The following HDHD2 variants were observed in gnomAD, a reference collection of about 807,000 sequenced individuals.
HDHD2 encodes haloacid dehalogenase-like hydrolase domain-containing protein 2.
Under a neutral mutation model 24.8 loss-of-function variants are expected in HDHD2, and 26 were observed. The ratio of observed to expected loss-of-function variants is 1.05; its 90% CI spans 0.77 to 1.45. HDHD2 has a LOEUF of 1.45. Among genes scored for constraint, HDHD2 ranks in the 40% most tolerant of loss-of-function variants. The pLI is 0.00. For synonymous variants in HDHD2, 128 were observed against 114.9 expected (o/e 1.11, Z -0.73); for missense variants, 299 against 313.4 (o/e 0.95, Z 0.35).
intron 1 of HDHD2, among the ~76,000 whole-genome samples, chr18:47,143,175 G>C (rs192267657): frequency 1.3e-5 from 2 of 152,316 alleles, no homozygotes; most frequent in African/African-American, 4.8e-5. Context: ...TTGTTGGCCA[G>C]GTACAGTGGC....
At chr18:47,121,297 C>G (rs562974003) in intron 4 of HDHD2, among the ~76,000 whole-genome samples, 1 of 152,220 alleles carries the variant, frequency 6.6e-6, no homozygotes, top group African/African-American at 2.4e-5. Flanking sequence ...GTAAGTCCCT[C>G]TCACCCCACT....
intron 4 of HDHD2, among the ~76,000 whole-genome samples, chr18:47,119,169 G>GGTA (rs1196066561): frequency 6.6e-6 from 1 of 152,198 alleles, no homozygotes; most frequent in Non-Finnish European, 1.5e-5. Flanking sequence ...GGATCAGGGT[G>GGTA]GTAGTCACTG....
intron 4 of HDHD2, among the ~76,000 whole-genome samples, chr18:47,118,480 C>G (rs1044178605): frequency 4.6e-5 from 7 of 152,088 alleles, no homozygotes; most frequent in Admixed American, 4.6e-4. Flanking sequence ...AGCCATTACC[C>G]TCAGCAAACC....
At chr18:47,130,544 T>C (rs1009530251) in intron 3 of HDHD2, among the ~76,000 whole-genome samples, 1 of 151,916 alleles carries the variant, frequency 6.6e-6, no homozygotes, top group African/African-American at 2.4e-5. Context: ...AGAGAGAAAA[T>C]CTAATATTTT....
At chr18:47,135,465 C>T (rs994010763) in intron 2 of HDHD2, among the ~76,000 whole-genome samples, 2 of 151,852 alleles carry the variant, frequency 1.3e-5, no homozygotes, top group Non-Finnish European at 2.9e-5. Context: ...TTCTCCATGT[C>T]GGTCAGGCTG....
chr18:47,127,480 C>T (rs1407414823), intron 4 of HDHD2, among the ~76,000 whole-genome samples: 1 of 151,994 alleles, frequency 6.6e-6, no homozygotes, highest in Non-Finnish European at 1.5e-5. Flanking sequence ...TTAAACTTTT[C>T]CACGATGAGG....
At chr18:47,136,629 T>C (rs1468227741) in intron 1 of HDHD2, among the ~76,000 whole-genome samples, 180 bp from the exon 2 acceptor site, 1 of 151,406 alleles carries the variant, frequency 6.6e-6, no homozygotes, top group African/African-American at 2.4e-5. Context: ...CATAAACCTT[T>C]TACAATACTT....
At chr18:47,127,186 G>T (rs2063667100) in intron 4 of HDHD2, among the ~76,000 whole-genome samples, 1 of 151,914 alleles carries the variant, frequency 6.6e-6, no homozygotes, top group South Asian at 2.1e-4. Context: ...AATACCAACA[G>T]CAATAGGAAC....
Position 47,139,641 on chromosome 18 carries a change from T to C in HDHD2, c.-10-3192A>G, listed in dbSNP as rs193121781. ...AGTTCCACAGGTCAGGACTCGTGAC[T>C]GGTGTCTGAAAATGGAGGAGGCAGT... On this transcript the variant is annotated intron_variant, in intron 1 of 6. Coordinates refer to ENST00000300605, the MANE Select transcript of HDHD2 (RefSeq NM_032124.5). Among the ~76,000 whole-genome samples the C allele has an allele frequency of 3.7e-4, 56 of 152,250 alleles. No individual in the cohort carries two copies. The East Asian group carries it at 8.5e-3, about 23-fold the overall frequency.
At chr18:47,137,574 C>T (rs1194095986) in intron 1 of HDHD2, among the ~76,000 whole-genome samples, 2 of 152,096 alleles carry the variant, frequency 1.3e-5, no homozygotes, top group East Asian at 1.9e-4. Flanking sequence ...TGTGAAAATA[C>T]CCTTTCTCCA....
intron 1 of HDHD2, among the ~76,000 whole-genome samples, chr18:47,140,676 G>A (rs887493678): frequency 5.9e-5 from 9 of 151,896 alleles, no homozygotes; most frequent in East Asian, 5.8e-4. Flanking sequence ...GCACCACCAC[G>A]CCTGGCTAAT....
In HDHD2 at chr18:47,125,233, T is replaced by A. The variant is rs77954147; in HGVS notation, c.395+5011A>T. 1.5e-4 allele frequency among the ~76,000 whole-genome samples: 23 copies of A among 152,216 alleles called. No homozygotes were observed. The East Asian group carries it at 4.4e-3, about 29-fold the overall frequency. The stretch of plus-strand genomic sequence containing the variant: ...ATACCACTATATACACCAAACAGAA[T>A]AGCTACTATTAAATAGAGAATATAG... On this transcript the variant is annotated intron_variant, in intron 4 of 6. Transcript: ENST00000300605.
intron 1 of HDHD2, among the ~76,000 whole-genome samples, chr18:47,145,084 A>C (rs1222178899): frequency 6.6e-6 from 1 of 152,242 alleles, no homozygotes; most frequent in Non-Finnish European, 1.5e-5. Flanking sequence ...ACGAATTCTA[A>C]GCAAGATAAA....
chr18:47,141,686 A>G (rs946342982), intron 1 of HDHD2, among the ~76,000 whole-genome samples: 1 of 152,156 alleles, frequency 6.6e-6, no homozygotes. Flanking sequence ...GGCCATTGAG[A>G]GCTCTCTCAG....
intron 6 of HDHD2, chr18:47,110,532 C>T: frequency 2.0e-6 from 2 of 985,330 alleles, no homozygotes; most frequent in Non-Finnish European, 2.4e-6. Context: ...AGCTTCCTAG[C>T]CATGGAGTTA....
At chr18:47,110,432 G>C in intron 6 of HDHD2, 2 of 985,128 alleles carry the variant, frequency 2.0e-6, no homozygotes, top group Non-Finnish European at 2.4e-6. Context: ...CCTTCACAAG[G>C]TTTCTATTTG....
At position 47,112,998 on chromosome 18, in the gene HDHD2, G is replaced by C; in HGVS notation, c.655C>G (p.Leu219Val). ...ATACCAGTCTTTACTAAGATGCCCA[G>C]CATGCCGACATCTTGAGCCCCACCA... The part of the protein sequence containing the change: ...DVGGAQDVGM[L>V]GILVKTGKYR... Residue 219 changes from leucine (L) to valine (V), a missense_variant, in exon 6 of 7, where the codon CTG (leucine) becomes GTG (valine). Physicochemically the swap from Leu to Val is conservative, Grantham distance 32. Coordinates refer to ENST00000300605, the MANE Select transcript of HDHD2 (RefSeq NM_032124.5). The C allele has an allele frequency of 6.2e-7, 1 of 1,613,888 alleles. No homozygotes were observed. Among genetic ancestry groups the C allele is most frequent in the Non-Finnish European group, 8.5e-7 (1 of 1,179,818 alleles).
In HDHD2 at chr18:47,134,456, T is replaced by A. The variant is rs765760639; in HGVS notation, c.310+40A>T. ...GTTTTAAAAATGATTTGTAAGTACATATAAATATCCAATCTTTAAATTTTC... is the reference window on the plus strand; with the variant it reads ...GTTTTAAAAATGATTTGTAAGTACAAATAAATATCCAATCTTTAAATTTTC... On this transcript the variant is annotated intron_variant, in intron 3 of 6. Transcript: ENST00000300605. 7 of 1,369,372 alleles carry A rather than the reference T, an allele frequency of 5.1e-6. No individual in the cohort carries two copies. The East Asian group carries it at 1.6e-4, about 31-fold the overall frequency. 84.8% of individuals were successfully genotyped at this position (1,369,372 alleles called of 1,614,324 possible).
chr18:47,117,022 G>A (rs572435136), intron 4 of HDHD2, among the ~76,000 whole-genome samples: 1 of 152,312 alleles, frequency 6.6e-6, no homozygotes, highest in South Asian at 2.1e-4. Context: ...GGCTGGAGAA[G>A]TGTTATACAT....
Sources: allele counts gnomAD v4.1 joint callset (sites outside exome capture counted in the v4.1 genomes callset), GRCh38; gene constraint gnomAD v4.1.1; transcripts MANE v1.5; gene names NCBI Gene and HGNC (gene_info 2026-07-23, HGNC 2026-07-21).